The following OCA2 variants were observed in gnomAD, a reference collection of about 807,000 sequenced individuals.
OCA2 encodes OCA2 melanosomal transmembrane protein.
OCA2 carries 77 observed loss-of-function variants against 100.2 expected under a neutral mutation model. That is an observed-to-expected ratio of 0.77 (90% CI 0.64 to 0.93). The LOEUF (loss-of-function observed/expected upper bound fraction) is 0.93. OCA2 is among the 40% of genes least tolerant of loss of function. The probability of loss-of-function intolerance (pLI) is 0.00; values close to 1 mark genes in which losing one functional copy is unlikely to be tolerated. For synonymous variants in OCA2, 432 were observed against 439.2 expected, an observed-to-expected ratio of 0.98 and a Z score of 0.21; for missense variants, 1,062 against 1,089.1, an observed-to-expected ratio of 0.98 and a Z score of 0.35.
At chr15:27,928,209 T>C (rs1224808013) in intron 18 of OCA2, among the ~76,000 whole-genome samples, 2 of 151,998 alleles carry the variant, frequency 1.3e-5, no homozygotes, top group Non-Finnish European at 2.9e-5. Context: ...CCAAAATAAG[T>C]AGAAGAAAAG....
In OCA2 at chr15:27,851,381, C is replaced by A. The variant is rs770635415; in HGVS notation, c.2338+1G>T. The A allele has an allele frequency of 3.7e-6, 6 of 1,613,414 alleles. No individual in the cohort carries two copies. The African/African-American group carries it at 8.0e-5, about 22-fold the overall frequency. ...CCCCCATGCAGTCAGCAGCCCCTTA[C>A]CTCCCAGGCAAGCACCGAAGGCCAG... is the stretch of plus-strand genomic sequence containing the variant. On this transcript the variant is annotated splice_donor_variant, in intron 22 of 23. Coordinates refer to ENST00000354638, the MANE Select transcript of OCA2 (RefSeq NM_000275.3). LOFTEE classifies it high-confidence loss of function.
At chr15:27,861,745 A>G (rs948409534) in intron 21 of OCA2, among the ~76,000 whole-genome samples, 1 of 152,158 alleles carries the variant, frequency 6.6e-6, no homozygotes, top group African/African-American at 2.4e-5. Flanking sequence ...GCCAAGAAAA[A>G]GTGAAGAAAG....
chr15:27,719,112 T>C, the OCA2 span, among the ~76,000 whole-genome samples: 1 of 152,222 alleles, frequency 6.6e-6, no homozygotes, highest in Non-Finnish European at 1.5e-5. Context: ...ATTCCTATAC[T>C]ACTGCTCAAG....
chr15:27,995,578 G>A (rs948550224), intron 9 of OCA2, among the ~76,000 whole-genome samples: 18 of 151,040 alleles, frequency 1.2e-4, no homozygotes, highest in Middle Eastern at 3.4e-3. Flanking sequence ...TTTCAGAGAT[G>A]GAGGTCTTGC....
chr15:27,870,769 G>GGAAAGAAA (rs200734139), intron 21 of OCA2, among the ~76,000 whole-genome samples: 36 of 142,494 alleles, frequency 2.5e-4, no homozygotes, highest in Middle Eastern at 7.2e-3. Context: ...AAGACAGAAA[G>GGAAAGAAA]GAAAGAAAGA....
chr15:27,809,358 G>A (rs909338692), intron 23 of OCA2, among the ~76,000 whole-genome samples: 1 of 152,066 alleles, frequency 6.6e-6, no homozygotes, highest in African/African-American at 2.4e-5. Context: ...AACAAACTAG[G>A]CATAGAAGGG....
chr15:27,888,859 C>T (rs1179697997), intron 19 of OCA2, among the ~76,000 whole-genome samples: 1 of 152,022 alleles, frequency 6.6e-6, no homozygotes, highest in African/African-American at 2.4e-5. Context: ...TCTGTTACAA[C>T]CTTTATCACA....
chr15:27,735,345 C>A, the OCA2 span, among the ~76,000 whole-genome samples: 1 of 152,030 alleles, frequency 6.6e-6, no homozygotes, highest in Non-Finnish European at 1.5e-5. Flanking sequence ...AATGAAAAGA[C>A]ATGAAGAAAG....
chr15:27,997,766 G>C (rs1219545921), intron 9 of OCA2, among the ~76,000 whole-genome samples: 1 of 125,306 alleles, frequency 8.0e-6, no homozygotes, highest in Non-Finnish European at 1.9e-5. Context: ...AATTACCTTG[G>C]GCAGTATGGC....
At chr15:27,809,985 G>A (rs566261225) in intron 23 of OCA2, among the ~76,000 whole-genome samples, 14 of 152,146 alleles carry the variant, frequency 9.2e-5, no homozygotes, top group African/African-American at 2.9e-4. Context: ...ATCAAAATGC[G>A]AACACTATTT....
At chr15:27,802,053 A>G (rs1479742455) in intron 23 of OCA2, among the ~76,000 whole-genome samples, 2 of 152,196 alleles carry the variant, frequency 1.3e-5, no homozygotes, top group Non-Finnish European at 2.9e-5. Context: ...GCTATATAGT[A>G]AATTTGATGT....
Position 27,778,420 on chromosome 15 carries a change from G to C in OCA2, c.2433-22948C>G, listed in dbSNP as rs74007366. On this transcript the variant is annotated intron_variant, in intron 23 of 23. Coordinates refer to ENST00000354638, the MANE Select transcript of OCA2 (RefSeq NM_000275.3). ...ATCAGAAGAGTCTGTGTTTGGTGAG[G>C]TCACTCCGAGAGGAGGTTTGGGGCT... Among the ~76,000 whole-genome samples the C allele has an allele frequency of 6.9e-3, 1,053 of 152,300 alleles. 20 individuals carry two copies. The highest frequency in any genetic ancestry group is 0.024 in the African/African-American group (1,017 of 41,564).
At chr15:27,812,103 C>T (rs1227264932) in intron 23 of OCA2, among the ~76,000 whole-genome samples, 5 of 152,086 alleles carry the variant, frequency 3.3e-5, no homozygotes, top group Non-Finnish European at 5.9e-5. Flanking sequence ...GACTCTGTAC[C>T]GATAATGAAG....
chr15:28,067,235 C>T (rs952348422), intron 2 of OCA2, among the ~76,000 whole-genome samples: 2 of 152,204 alleles, frequency 1.3e-5, no homozygotes, highest in Admixed American at 1.3e-4. Flanking sequence ...CAATAAAAAT[C>T]CTACCAGGAT....
intron 19 of OCA2, among the ~76,000 whole-genome samples, chr15:27,891,732 G>A (rs1468921964): frequency 6.6e-6 from 1 of 152,072 alleles, no homozygotes. Flanking sequence ...AAAAGCTATG[G>A]ATATGAAAGA....
At chr15:28,038,147 C>T (rs1316194291) in intron 2 of OCA2, among the ~76,000 whole-genome samples, 1 of 152,190 alleles carries the variant, frequency 6.6e-6, no homozygotes, top group East Asian at 1.9e-4. Context: ...TTCATCCTGG[C>T]TTCACTGACC....
intron 23 of OCA2, among the ~76,000 whole-genome samples, chr15:27,834,400 T>C (rs987564267): frequency 6.6e-6 from 1 of 152,230 alleles, no homozygotes; most frequent in African/African-American, 2.4e-5. Flanking sequence ...GCTTTTCATT[T>C]GAACCCTTTA....
chr15:27,781,150 C>T (rs1283243825), intron 23 of OCA2, among the ~76,000 whole-genome samples: 1 of 152,200 alleles, frequency 6.6e-6, no homozygotes, highest in African/African-American at 2.4e-5. Context: ...TCATTGTCCT[C>T]CCTTGTGTGG....
At position 27,951,892 on chromosome 15, in the gene OCA2, G is replaced by A. The variant is rs755768280; in HGVS notation, c.1843C>T (p.His615Tyr). ...ETNIQELQKKHRISDGILLAK... is the reference protein window; with the variant it reads ...ETNIQELQKKYRISDGILLAK... ...AGCAGAATCCCGTCAGATATCCTATGCTGTAAGAGAGAAACCACAGCTCAT... is the reference window on the plus strand; with the variant it reads ...AGCAGAATCCCGTCAGATATCCTATACTGTAAGAGAGAAACCACAGCTCAT... The change falls in exon 18 of 24, where the codon CAT becomes TAT. Residue 615 changes from histidine (H) to tyrosine (Y), a missense_variant and splice_region_variant. Physicochemically the swap from His to Tyr is moderately conservative, Grantham distance 83 (BLOSUM62 2). Coordinates refer to ENST00000354638, the MANE Select transcript of OCA2 (RefSeq NM_000275.3). 105 of 1,605,644 alleles carry A rather than the reference G, an allele frequency of 6.5e-5. No individual in the cohort carries two copies. Among genetic ancestry groups the A allele is most frequent in the Non-Finnish European group, 8.3e-5 (97 of 1,172,536 alleles).
Sources: gnomAD v4.1 joint callset for allele counts (sites outside exome capture counted in the v4.1 genomes callset) on GRCh38, gnomAD v4.1.1 for gene constraint, MANE v1.5 for transcripts, NCBI Gene and HGNC (gene_info 2026-07-23, HGNC 2026-07-21) for gene names.